The following ELAVL1 variants were observed in gnomAD, a reference collection of about 807,000 sequenced individuals.
ELAVL1 encodes the protein ELAV like RNA binding protein 1.
ELAVL1 carries 1 observed loss-of-function variant against 28.4 expected under a neutral mutation model. That is an observed-to-expected ratio of 0.04 (90% CI 0.01 to 0.17). ELAVL1 has a LOEUF of 0.17. ELAVL1 is among the 10% of genes least tolerant of loss of function. The pLI is 1.00. For synonymous variants in ELAVL1, 174 were observed against 183.5 expected, an observed-to-expected ratio of 0.95 and a Z score of 0.42; for missense variants, 157 against 447.2, an observed-to-expected ratio of 0.35 and a Z score of 5.85.
chr19:7,984,285 C>A (rs1395560079), intron 2 of ELAVL1, among the ~76,000 whole-genome samples: 1 of 152,142 alleles, frequency 6.6e-6, no homozygotes, highest in Non-Finnish European at 1.5e-5. Flanking sequence ...CCATCACATC[C>A]CTGGGGGCAA....
rs1237787627 is a variant in ELAVL1, at chr19:7,962,515, AT to A, written c.*967del. 7 of 152,682 alleles carry A rather than the reference AT, an allele frequency of 4.6e-5. No individual in the cohort carries two copies. The highest frequency in any genetic ancestry group is 1.0e-4 in the Non-Finnish European group (7 of 68,040). The allele number at this position is 152,682 out of a possible 1,614,324, so 9.5% of individuals were successfully genotyped here. On this transcript the variant is annotated 3_prime_UTR_variant, in exon 6 of 6. Transcript: ENST00000407627. ...TACAAAAGCAAAATTCCAAAACAAA[AT>A]CCGACTAAAATAGAAAAAGGTCTAA...
chr19:7,992,856 A>C (rs908295767), intron 1 of ELAVL1, among the ~76,000 whole-genome samples: 7 of 152,208 alleles, frequency 4.6e-5, no homozygotes, highest in Non-Finnish European at 7.3e-5. Flanking sequence ...ACAGCAGCCA[A>C]GGCTCCTGGG....
chr19:7,995,825 T>G lies in ELAVL1; in HGVS notation c.-16-3994A>C, dbSNP rs937010572. Among the ~76,000 whole-genome samples, 11 of 151,598 alleles carry G rather than the reference T, an allele frequency of 7.3e-5. 1 individual carries two copies. The highest frequency in any genetic ancestry group is 7.2e-4 in the Admixed American group (11 of 15,212). ...GGATAAACTGGATATCATCAAAATT[T>G]GAAACTTTTGCTCTGTGAAAGATAC... On this transcript the variant is annotated intron_variant, in intron 1 of 5. Coordinates refer to ENST00000407627, the MANE Select transcript of ELAVL1 (RefSeq NM_001419.3).
At chr19:7,972,740 C>T (rs928163355) in intron 4 of ELAVL1, 2 of 151,402 alleles carry the variant, frequency 1.3e-5, no homozygotes, top group African/African-American at 4.9e-5. Flanking sequence ...AATCCTCCCA[C>T]CTCAGTCTCC....
intron 1 of ELAVL1, among the ~76,000 whole-genome samples, chr19:8,005,146 C>A (rs955204830): frequency 6.6e-6 from 1 of 152,054 alleles, no homozygotes; most frequent in African/African-American, 2.4e-5. Flanking sequence ...GCGTTCCCGG[C>A]GCTCCCCCGT....
At chr19:7,980,423 G>A (rs945351623) in intron 3 of ELAVL1, among the ~76,000 whole-genome samples, 5 of 152,176 alleles carry the variant, frequency 3.3e-5, no homozygotes, top group Non-Finnish European at 5.9e-5. Flanking sequence ...AGTGGGGCTC[G>A]GGGTTGACAG....
intron 2 of ELAVL1, among the ~76,000 whole-genome samples, chr19:7,989,480 GTT>G (rs756892824): frequency 2.2e-3 from 330 of 152,366 alleles, no homozygotes; most frequent in Non-Finnish European, 4.0e-3. Flanking sequence ...AAATCTAGGT[GTT>G]CCTTTAGCAT....
intron 2 of ELAVL1, among the ~76,000 whole-genome samples, chr19:7,991,279 C>T (rs1293842369): frequency 1.3e-5 from 2 of 152,196 alleles, no homozygotes; most frequent in Admixed American, 6.5e-5. Context: ...ACAGTACACT[C>T]GCCAGGGTCC....
intron 1 of ELAVL1, among the ~76,000 whole-genome samples, chr19:8,000,690 G>T (rs961430180): frequency 6.6e-5 from 10 of 152,216 alleles, no homozygotes; most frequent in Non-Finnish European, 1.5e-5. Context: ...AGTTATAAAT[G>T]CCATGCAAGG....
rs1426065143 is a variant in ELAVL1, at chr19:7,995,095, T to C, written c.-16-3264A>G. ...GTAGCAGCTCGGGACCTATAGACTT[T>C]AATCATGAGAAACTCCACGTGTCTG... On this transcript the variant is annotated intron_variant, in intron 1 of 5. Coordinates refer to ENST00000407627, the MANE Select transcript of ELAVL1 (RefSeq NM_001419.3). 2.6e-5 allele frequency among the ~76,000 whole-genome samples: 4 copies of C among 152,200 alleles called. No homozygotes were observed. In the South Asian group the frequency reaches 6.2e-4, roughly 24 times the overall value.
chr19:7,994,399 C>T (rs930925735), intron 1 of ELAVL1, among the ~76,000 whole-genome samples: 6 of 152,192 alleles, frequency 3.9e-5, no homozygotes, highest in African/African-American at 1.4e-4. Flanking sequence ...TTATCTAACC[C>T]CAAATGTCAG....
intron 2 of ELAVL1, among the ~76,000 whole-genome samples, 180 bp downstream of exon 2, chr19:7,991,464 T>C (rs1304758748): frequency 6.6e-6 from 1 of 152,236 alleles, no homozygotes; most frequent in Non-Finnish European, 1.5e-5. Flanking sequence ...TGGGAACTTA[T>C]GTCCGATCTT....
intron 1 of ELAVL1, among the ~76,000 whole-genome samples, chr19:7,999,138 C>G (rs1370937443): frequency 2.0e-4 from 31 of 152,160 alleles, no homozygotes; most frequent in Non-Finnish European, 5.9e-5. Flanking sequence ...TGTGGGAGGC[C>G]GAGGTAGGCG....
At chr19:7,990,859 A>G (rs1275201427) in intron 2 of ELAVL1, among the ~76,000 whole-genome samples, 2 of 152,166 alleles carry the variant, frequency 1.3e-5, no homozygotes, top group East Asian at 1.9e-4. Context: ...AGCTCCGCAC[A>G]TGGTCTGTCC....
rs570790952 is a variant in ELAVL1, at chr19:7,977,755, C to T, written c.276+3328G>A. On this transcript the variant is annotated intron_variant, in intron 3 of 5. Coordinates refer to ENST00000407627, the MANE Select transcript of ELAVL1 (RefSeq NM_001419.3). Reference sequence around the variant, plus strand: ...ACGGGGTGAAGGCAAGGCACGTCTGCGCTCTCTGTGCAGGGCTGGGGCCTC... The same window carrying T: ...ACGGGGTGAAGGCAAGGCACGTCTGTGCTCTCTGTGCAGGGCTGGGGCCTC... Among the ~76,000 whole-genome samples, 18 of 152,372 alleles carry T rather than the reference C, an allele frequency of 1.2e-4. No homozygotes were observed. The South Asian group carries it at 1.2e-3, about 11-fold the overall frequency.
intron 4 of ELAVL1, among the ~76,000 whole-genome samples, chr19:7,968,119 G>A (rs1180779535): frequency 6.6e-6 from 1 of 152,214 alleles, no homozygotes; most frequent in African/African-American, 2.4e-5. Context: ...CACATCCACC[G>A]TCACTATTTA....
At chr19:7,992,221 A>G (rs4804057) in intron 1 of ELAVL1, among the ~76,000 whole-genome samples, 35,460 of 152,106 alleles carry the variant, frequency 0.23, 4,413 homozygotes, top group Non-Finnish European at 0.28. Context: ...GATTAGAGGC[A>G]TGAGCCACAG....
chr19:7,975,347 C>T (rs965253544), intron 3 of ELAVL1, among the ~76,000 whole-genome samples: 1 of 152,216 alleles, frequency 6.6e-6, no homozygotes, highest in Non-Finnish European at 1.5e-5. Flanking sequence ...CTGGATGAAG[C>T]CCCAGAGGAG....
chr19:7,973,633 C>T (rs1985187380), intron 4 of ELAVL1, 92 bp downstream of exon 4: 5 of 1,468,644 alleles, frequency 3.4e-6, no homozygotes, highest in Non-Finnish European at 4.6e-6. Flanking sequence ...TAACTAATGA[C>T]ATTTAAAATC....
Sources: allele counts gnomAD v4.1 joint callset (sites outside exome capture counted in the v4.1 genomes callset), GRCh38; gene constraint gnomAD v4.1.1; transcripts MANE v1.5; gene names NCBI Gene and HGNC (gene_info 2026-07-23, HGNC 2026-07-21).